The following GLMN variants were observed in gnomAD, a reference collection of about 807,000 sequenced individuals.
GLMN encodes the protein glomulin.
In GLMN, 75 loss-of-function variants were observed where a neutral mutation model predicts 87.8. The ratio of observed to expected loss-of-function variants is 0.85; its 90% confidence interval spans 0.71 to 1.04. The LOEUF is 1.04. Ranked by LOEUF, GLMN falls within the 50% of genes least tolerant of loss-of-function variation. GLMN has a pLI of 0.00. For missense variants in GLMN, 588 were observed against 658.8 expected (o/e 0.89, Z 1.18); for synonymous variants, 206 against 221.6 (o/e 0.93, Z 0.63).
At chr1:92,314,953 G>A in the GLMN span, among the ~76,000 whole-genome samples, 1 of 151,970 alleles carries the variant, frequency 6.6e-6, no homozygotes, top group African/African-American at 2.4e-5. Context: ...GCTGAGGTGC[G>A]AGAATCTCTT....
At chr1:92,277,537 T>G (rs1335605739) in intron 7 of GLMN, among the ~76,000 whole-genome samples, 2 of 152,140 alleles carry the variant, frequency 1.3e-5, no homozygotes, top group Non-Finnish European at 2.9e-5. Context: ...AGGCTGGACC[T>G]TTCAGTCCCA....
chr1:92,290,727 A>C (rs1276712809), intron 4 of GLMN, among the ~76,000 whole-genome samples: 1 of 152,184 alleles, frequency 6.6e-6, no homozygotes, highest in Non-Finnish European at 1.5e-5. Flanking sequence ...ATCTCACTTG[A>C]CTGGTTTTTT....
In GLMN at chr1:92,268,020, T is replaced by C. The variant is rs956881810; in HGVS notation, c.1009-18A>G. On this transcript the variant is annotated intron_variant, in intron 10 of 18. Coordinates refer to ENST00000370360, the MANE Select transcript of GLMN (RefSeq NM_053274.3). ...AGCAGCTCCTACAGATTAAAATATATGCAGATACATATATAGTGAAGTCAA... is the reference window on the plus strand; with the variant it reads ...AGCAGCTCCTACAGATTAAAATATACGCAGATACATATATAGTGAAGTCAA... 2 of 1,443,208 alleles carry C rather than the reference T, an allele frequency of 1.4e-6. No individual in the cohort carries two copies. Among genetic ancestry groups the C allele is most frequent in the Admixed American group, 1.7e-5 (1 of 59,826 alleles). 89.4% of individuals were successfully genotyped at this position (1,443,208 alleles called of 1,614,324 possible). A position where few individuals can be genotyped will look rare whatever the true frequency, so the allele number is the denominator to read the frequency against.
At chr1:92,307,153 TAAG>T in the GLMN span, 5 of 1,436,760 alleles carry the variant, frequency 3.5e-6, no homozygotes, top group Non-Finnish European at 3.9e-6. Flanking sequence ...TGTTTCATGA[TAAG>T]AAAAAAACTA....
rs532250058 is a variant in GLMN, at chr1:92,287,266, C to G, written c.633-674G>C. Among the ~76,000 whole-genome samples the G allele has an allele frequency of 5.3e-5, 8 of 152,262 alleles. No individual in the cohort carries two copies. In the East Asian group the frequency reaches 1.5e-3, roughly 29 times the overall value. On this transcript the variant is annotated intron_variant, in intron 6 of 18. Transcript: ENST00000370360. ...TATTTGTTTTATTTAGAAAACCAAA[C>G]TTTATTCTGTGATTAAGCCTTTCCT...
chr1:92,323,471 T>G, the GLMN span: 1 of 1,609,044 alleles, frequency 6.2e-7, no homozygotes, highest in Non-Finnish European at 8.5e-7. Context: ...GAAGTACAGT[T>G]ATGCAGTAAA....
chr1:92,276,587 G>A (rs1015245890), intron 7 of GLMN, among the ~76,000 whole-genome samples: 5 of 152,144 alleles, frequency 3.3e-5, no homozygotes, highest in South Asian at 4.1e-4. Context: ...GCTTGAGTCC[G>A]GGAGGCAGAG....
At chr1:92,252,077 GATAAAGTTTT>G (rs1212637728) in intron 16 of GLMN, among the ~76,000 whole-genome samples, 5 of 152,048 alleles carry the variant, frequency 3.3e-5, no homozygotes, top group Non-Finnish European at 5.9e-5. Flanking sequence ...GGATTACAGT[GATAAAGTTTT>G]ATAATCATTC....
At chr1:92,335,899 TCAAAC>T in the GLMN span, among the ~76,000 whole-genome samples, 1 of 152,292 alleles carries the variant, frequency 6.6e-6, no homozygotes, top group East Asian at 1.9e-4. Context: ...AACTGTTGGG[TCAAAC>T]ACATTTAAAC....
the GLMN span, chr1:92,304,250 G>T: frequency 1.5e-6 from 2 of 1,347,204 alleles, no homozygotes; most frequent in Non-Finnish European, 1.1e-6. Context: ...TTATTATTTG[G>T]ATTCTTTTGT....
chr1:92,339,891 C>G, the GLMN span, among the ~76,000 whole-genome samples: 1 of 151,958 alleles, frequency 6.6e-6, no homozygotes, highest in African/African-American at 2.4e-5. Context: ...TATTTAAAGA[C>G]TTGATTATAT....
the GLMN span, among the ~76,000 whole-genome samples, chr1:92,326,368 G>T: frequency 6.6e-6 from 1 of 152,194 alleles, no homozygotes; most frequent in Non-Finnish European, 1.5e-5. Flanking sequence ...GAGATGGCAG[G>T]GGGGTGAAAT....
upstream of GLMN, chr1:92,299,230 C>T: frequency 5.1e-6 from 4 of 789,934 alleles, no homozygotes; most frequent in Non-Finnish European, 5.6e-6. Context: ...CGCGGGCGCT[C>T]CTGAAAGGCT....
At position 92,263,866 on chromosome 1, in the gene GLMN, A is replaced by G. The variant is rs1655309026; in HGVS notation, c.1300-134T>C. On this transcript the variant is annotated intron_variant, in intron 14 of 18. Coordinates refer to ENST00000370360, the MANE Select transcript of GLMN (RefSeq NM_053274.3). ...TTTTAACTTTAATTTCCGTACTTTC[A>G]TTCACTTTCCAGACACCAGGAACGA... The G allele has an allele frequency of 7.3e-6, 5 of 680,428 alleles. No individual in the cohort carries two copies. In the South Asian group the frequency reaches 8.1e-5, roughly 11 times the overall value. 42.1% of individuals were successfully genotyped at this position (680,428 alleles called of 1,614,324 possible).
At chr1:92,255,679 A>G (rs572124227) in intron 16 of GLMN, among the ~76,000 whole-genome samples, 2 of 152,334 alleles carry the variant, frequency 1.3e-5, no homozygotes, top group South Asian at 2.1e-4. Context: ...AAATAACGAA[A>G]TTAAGGCAGA....
chr1:92,294,243 C>G (rs940290292), intron 3 of GLMN, among the ~76,000 whole-genome samples: 6 of 152,100 alleles, frequency 3.9e-5, no homozygotes, highest in African/African-American at 1.2e-4. Flanking sequence ...TATGTACCCA[C>G]AAAAATTAGA....
chr1:92,267,871 G>T, intron 11 of GLMN, 42 bp downstream of exon 11: 4 of 951,430 alleles, frequency 4.2e-6, no homozygotes, highest in Non-Finnish European at 6.9e-6. Context: ...TTCAGAACAG[G>T]CAAAGGGCTA....
At chr1:92,323,811 T>G in the GLMN span, 2 of 1,614,088 alleles carry the variant, frequency 1.2e-6, no homozygotes. Context: ...AAGTAAATAC[T>G]CAGAGTTCTT....
At chr1:92,260,010 C>T (rs1314129623) in intron 16 of GLMN, among the ~76,000 whole-genome samples, 1 of 152,082 alleles carries the variant, frequency 6.6e-6, no homozygotes, top group Non-Finnish European at 1.5e-5. Flanking sequence ...GCTGGGATTA[C>T]AGGTGTGAGC....
Sources: allele counts gnomAD v4.1 joint callset (sites outside exome capture counted in the v4.1 genomes callset), GRCh38; gene constraint gnomAD v4.1.1; transcripts MANE v1.5; gene names NCBI Gene and HGNC (gene_info 2026-07-23, HGNC 2026-07-21).